Variants in ANGPT1 observed in about 807,000 individuals in gnomAD.
ANGPT1 encodes the protein angiopoietin 1.
A neutral mutation model predicts 62.2 loss-of-function variants in ANGPT1; 17 were observed. That is an observed-to-expected ratio of 0.27 (90% CI 0.19 to 0.41). The LOEUF (loss-of-function observed/expected upper bound fraction) is 0.41. Ranked by LOEUF, ANGPT1 falls within the 10% of genes least tolerant of loss-of-function variation. The pLI is 1.00. For missense variants in ANGPT1, 478 were observed against 594.9 expected (o/e 0.80, Z 2.04); for synonymous variants, 199 against 198.9 (o/e 1.00, Z 0.00).
chr8:107,450,536 C>T (rs1206137977), intron 1 of ANGPT1, among the ~76,000 whole-genome samples: 1 of 151,722 alleles, frequency 6.6e-6, no homozygotes, highest in Non-Finnish European at 1.5e-5. Context: ...CAGTTTGGAT[C>T]GGAATAACAA....
At chr8:107,302,281 GT>G (rs967947902) in intron 5 of ANGPT1, among the ~76,000 whole-genome samples, 2 of 151,862 alleles carry the variant, frequency 1.3e-5, no homozygotes, top group Non-Finnish European at 2.9e-5. Flanking sequence ...AGTAATTTAG[GT>G]GGGGGCATGA....
intron 1 of ANGPT1, among the ~76,000 whole-genome samples, chr8:107,427,754 C>T (rs1252876701): frequency 6.6e-6 from 1 of 152,184 alleles, no homozygotes; most frequent in Non-Finnish European, 1.5e-5. Context: ...CCAGGTAAGA[C>T]CTGGGTAAGA....
intron 1 of ANGPT1, among the ~76,000 whole-genome samples, chr8:107,359,006 A>C (rs541073427): frequency 6.6e-6 from 1 of 152,320 alleles, no homozygotes; most frequent in East Asian, 1.9e-4. Flanking sequence ...ATTCAAAATA[A>C]TATACTGTCT....
intron 1 of ANGPT1, among the ~76,000 whole-genome samples, chr8:107,409,607 C>T (rs1006730025): frequency 5.3e-5 from 8 of 152,138 alleles, no homozygotes; most frequent in Admixed American, 1.3e-4. Context: ...TCTACTTTTA[C>T]CTTTTCATAG....
At chr8:107,381,263 T>C (rs1484423203) in intron 1 of ANGPT1, among the ~76,000 whole-genome samples, 1 of 152,170 alleles carries the variant, frequency 6.6e-6, no homozygotes, top group Non-Finnish European at 1.5e-5. Context: ...TCAGGCAAAA[T>C]GCTCAAAGGG....
intron 7 of ANGPT1, among the ~76,000 whole-genome samples, chr8:107,270,819 T>A (rs937726872): frequency 3.3e-5 from 5 of 152,016 alleles, no homozygotes; most frequent in Non-Finnish European, 5.9e-5. Flanking sequence ...ATGACAATAA[T>A]CTATAATCCA....
chr8:107,453,899 C>G (rs1372120200), intron 1 of ANGPT1, among the ~76,000 whole-genome samples: 1 of 151,334 alleles, frequency 6.6e-6, no homozygotes, highest in South Asian at 2.1e-4. Flanking sequence ...TATAGAGTCA[C>G]CATAGTTTTA....
At position 107,347,084 on chromosome 8, in the gene ANGPT1, A is replaced by G. The variant is rs1815822339; in HGVS notation, c.311T>C (p.Ile104Thr). The G allele has an allele frequency of 3.1e-6, 5 of 1,613,058 alleles. No homozygotes were observed. The highest frequency in any genetic ancestry group is 1.7e-5 in the Admixed American group (1 of 59,886). Reference protein sequence around the residue: ...TQWLQKLENYIVENMKSEMAQ... With the variant: ...TQWLQKLENYTVENMKSEMAQ... The stretch of plus-strand genomic sequence containing the variant: ...CATCTCCGACTTCATGTTTTCCACA[A>G]TGTAATTCTCAAGCTGCAAGAGATA... The change falls in exon 2 of 9, where the codon ATT becomes ACT. Residue 104 changes from isoleucine to threonine, a missense_variant. Physicochemically the swap from Ile to Thr is moderately conservative, Grantham distance 89 (BLOSUM62 -1). Coordinates refer to ENST00000517746, the MANE Select transcript of ANGPT1 (RefSeq NM_001146.5).
At chr8:107,401,242 A>G (rs867795075) in intron 1 of ANGPT1, among the ~76,000 whole-genome samples, 3 of 152,108 alleles carry the variant, frequency 2.0e-5, no homozygotes, top group South Asian at 2.1e-4. Context: ...GTAATCCATT[A>G]ATAGCAAGTG....
intron 7 of ANGPT1, among the ~76,000 whole-genome samples, chr8:107,278,084 T>C (rs1179925887): frequency 3.3e-5 from 5 of 151,996 alleles, no homozygotes; most frequent in African/African-American, 1.2e-4. Flanking sequence ...TTTTCTTTTT[T>C]TTTTTTTTAA....
intron 8 of ANGPT1, among the ~76,000 whole-genome samples, chr8:107,254,861 G>T (rs1813322101): frequency 3.3e-5 from 5 of 152,058 alleles, no homozygotes; most frequent in Admixed American, 2.6e-4. Flanking sequence ...ATTCTCTACA[G>T]ATGGGAACCA....
chr8:107,284,611 A>C (rs568970299), intron 7 of ANGPT1, 71 bp downstream of exon 7: 1 of 1,263,878 alleles, frequency 7.9e-7, no homozygotes, highest in African/African-American at 1.5e-5. Context: ...TCTTTTTTTC[A>C]TATTTTCCCA....
chr8:107,407,569 G>A (rs1248587659), intron 1 of ANGPT1, among the ~76,000 whole-genome samples: 1 of 152,140 alleles, frequency 6.6e-6, no homozygotes, highest in Non-Finnish European at 1.5e-5. Flanking sequence ...GCCCATTGCA[G>A]GGAAATTGGT....
intron 8 of ANGPT1, among the ~76,000 whole-genome samples, chr8:107,256,536 A>C (rs1029372655): frequency 6.6e-6 from 1 of 152,184 alleles, no homozygotes; most frequent in African/African-American, 2.4e-5. Context: ...ACATATGGTA[A>C]ATCTGCATGG....
At chr8:107,443,583 C>A (rs1024704552) in intron 1 of ANGPT1, among the ~76,000 whole-genome samples, 2 of 150,292 alleles carry the variant, frequency 1.3e-5, no homozygotes, top group Non-Finnish European at 3.0e-5. Flanking sequence ...CTGAGGCGGG[C>A]GGATCACCTG....
At chr8:107,253,837 T>A (rs1368612853) in intron 8 of ANGPT1, among the ~76,000 whole-genome samples, 2 of 152,164 alleles carry the variant, frequency 1.3e-5, no homozygotes, top group Admixed American at 6.5e-5. Context: ...TAAGAGCCTG[T>A]GAGAGAGTCA....
intron 1 of ANGPT1, among the ~76,000 whole-genome samples, chr8:107,417,090 G>T (rs1810771396): frequency 6.6e-6 from 1 of 152,038 alleles, no homozygotes; most frequent in Non-Finnish European, 1.5e-5. Flanking sequence ...TGCCTGGAGA[G>T]AATTTCTGTA....
chr8:107,446,354 T>C (rs10098499), intron 1 of ANGPT1, among the ~76,000 whole-genome samples: 59,328 of 152,182 alleles, frequency 0.39, 13,231 homozygotes, highest in East Asian at 0.66. Context: ...CACATGTTAG[T>C]TTGAACTAGC....
intron 4 of ANGPT1, among the ~76,000 whole-genome samples, chr8:107,316,973 G>A (rs1428960827): frequency 2.6e-5 from 4 of 152,158 alleles, no homozygotes; most frequent in Admixed American, 2.6e-4. Flanking sequence ...TCATGTTGCT[G>A]TTGTAAGGGC....
Sources: gnomAD v4.1 joint callset for allele counts (sites outside exome capture counted in the v4.1 genomes callset) on GRCh38, gnomAD v4.1.1 for gene constraint, MANE v1.5 for transcripts, NCBI Gene and HGNC (gene_info 2026-07-23, HGNC 2026-07-21) for gene names.